Variants in BCAS3 observed in about 807,000 individuals in gnomAD.
BCAS3 encodes the protein BCAS4/BCAS3 fusion.
A neutral mutation model predicts 116.1 loss-of-function variants in BCAS3; 53 were observed. The observed-to-expected ratio is 0.46, with a 90% CI of 0.37 to 0.57. The LOEUF is 0.57. Ranked by LOEUF, BCAS3 falls within the 20% of genes least tolerant of loss-of-function variation. The pLI is 0.00. For synonymous variants in BCAS3, 391 were observed against 408.2 expected, an observed-to-expected ratio of 0.96 and a Z score of 0.51; for missense variants, 917 against 1,165.4, an observed-to-expected ratio of 0.79 and a Z score of 3.10.
rs1326914241 is a variant in BCAS3, at chr17:61,186,596, TA to T, written c.2425+102035del. On this transcript the variant is annotated intron_variant, in intron 22 of 23. Transcript: ENST00000407086. This position sits in a 1 kb window ranked among gnomAD's most constrained non-coding sequence, Gnocchi z 4.9. ...TTGAATTTTTGTCTTCATATTATTT[TA>T]AATTTTCAATCGGTTCAAAATTCAA... 1.3e-5 allele frequency among the ~76,000 whole-genome samples: 2 copies of T among 152,254 alleles called. No individual in the cohort carries two copies. Among genetic ancestry groups the T allele is most frequent in the Admixed American group, 1.3e-4 (2 of 15,280 alleles).
In BCAS3 at chr17:61,332,149, C is replaced by T. The variant is rs553705156; in HGVS notation, c.2426-36178C>T. On this transcript the variant is annotated intron_variant, in intron 22 of 23. Transcript: ENST00000407086. The surrounding 1 kb of genome is among the most constrained non-coding windows in gnomAD (Gnocchi z 5.4). Reference sequence around the variant, plus strand: ...CCGGGCTCTGGAGCTGGGCCACGGGCTCCTCTCTCTGGAAAGGCTCTGCAG... The same window carrying T: ...CCGGGCTCTGGAGCTGGGCCACGGGTTCCTCTCTCTGGAAAGGCTCTGCAG... Among the ~76,000 whole-genome samples the T allele has an allele frequency of 6.6e-6, 1 of 152,314 alleles. No individual in the cohort carries two copies. Among genetic ancestry groups the T allele is most frequent in the African/African-American group, 2.4e-5 (1 of 41,570 alleles).
rs532587874 is a variant in BCAS3, at chr17:61,347,289, C to T, written c.2426-21038C>T. On this transcript the variant is annotated intron_variant, in intron 22 of 23. Transcript: ENST00000407086. The surrounding 1 kb of genome is among the most constrained non-coding windows in gnomAD (Gnocchi z 4.3). ...TAGAGACGGGGTTACACCGTGTTGGCCAGGCTGGTCTCGATATGCTGACCT... is the reference window on the plus strand; with the variant it reads ...TAGAGACGGGGTTACACCGTGTTGGTCAGGCTGGTCTCGATATGCTGACCT... Among the ~76,000 whole-genome samples, 10 of 152,260 alleles carry T rather than the reference C, an allele frequency of 6.6e-5. No homozygotes were observed. Among genetic ancestry groups the T allele is most frequent in the Admixed American group, 6.5e-4 (10 of 15,286 alleles).
At chr17:61,184,578 C>T (rs2079659663) in intron 22 of BCAS3, among the ~76,000 whole-genome samples, 1 of 152,008 alleles carries the variant, frequency 6.6e-6, no homozygotes. Flanking sequence ...TATACACTTG[C>T]CATCTAATCT....
At chr17:61,236,285 G>A (rs2083051946) in intron 22 of BCAS3, among the ~76,000 whole-genome samples, 1 of 152,118 alleles carries the variant, frequency 6.6e-6, no homozygotes, top group South Asian at 2.1e-4. Context: ...TAGATCTTAT[G>A]TTGGAGATAA....
At chr17:60,703,201 G>A (rs1021986193) in intron 4 of BCAS3, among the ~76,000 whole-genome samples, 29 of 151,950 alleles carry the variant, frequency 1.9e-4, no homozygotes, top group African/African-American at 6.8e-4. Flanking sequence ...TTTGAACCCG[G>A]GAGGTGGAGG....
At chr17:61,216,515 T>A (rs543602739) in intron 22 of BCAS3, among the ~76,000 whole-genome samples, 1 of 77,992 alleles carries the variant, frequency 1.3e-5, no homozygotes, top group African/African-American at 4.9e-5. Context: ...AATAAGTATG[T>A]GTTTATTTTA....
chr17:61,383,669 G>A (rs1401969548), intron 23 of BCAS3: 2 of 152,244 alleles, frequency 1.3e-5, no homozygotes, highest in East Asian at 1.9e-4. Context: ...AGAATAGGAC[G>A]GACCAGTGGC....
At chr17:61,103,473 C>T (rs1478982432) in intron 22 of BCAS3, among the ~76,000 whole-genome samples, 2 of 152,158 alleles carry the variant, frequency 1.3e-5, no homozygotes, top group Non-Finnish European at 2.9e-5. Context: ...AATTAACTCC[C>T]TAAGTCTCCT....
Position 61,272,636 on chromosome 17 carries a change from CAAAAAAAAAAAAAAA to C in BCAS3, c.2426-95674_2426-95660del, listed in dbSNP as rs373837874. 8.0e-4 allele frequency among the ~76,000 whole-genome samples: 38 copies of C among 47,390 alleles called. 1 individual carries two copies. Among genetic ancestry groups the C allele is most frequent in the Admixed American group, 2.1e-3 (5 of 2,330 alleles). The allele number at this position is 47,390 out of a possible 152,430, so 31.1% of individuals were successfully genotyped here. ...CTGGTGACAGAGTGAAACCCTGTCT[CAAAAAAAAAAAAAAA>C]AAAAAAAAAAAAAAAAGCAATTTTG... is the stretch of plus-strand genomic sequence containing the variant. On this transcript the variant is annotated intron_variant, in intron 22 of 23. Coordinates refer to ENST00000407086, the MANE Select transcript of BCAS3 (RefSeq NM_017679.5).
intron 6 of BCAS3, among the ~76,000 whole-genome samples, chr17:60,790,309 A>G (rs1180930544): frequency 6.6e-6 from 1 of 152,180 alleles, no homozygotes; most frequent in Non-Finnish European, 1.5e-5. Context: ...TTGATGTTTC[A>G]TTGATCAAAA....
intron 22 of BCAS3, among the ~76,000 whole-genome samples, chr17:61,266,637 C>T (rs1301041029): frequency 1.3e-5 from 2 of 152,170 alleles, no homozygotes; most frequent in Admixed American, 1.3e-4. Context: ...CATGTAGGTA[C>T]TGTTTTCCAA....
Position 61,136,502 on chromosome 17 carries a change from G to A in BCAS3, c.2425+51938G>A, listed in dbSNP as rs960586347. Among the ~76,000 whole-genome samples the A allele has an allele frequency of 2.0e-5, 3 of 152,134 alleles. No homozygotes were observed. The highest frequency in any genetic ancestry group is 2.9e-5 in the Non-Finnish European group (2 of 68,018). ...GCCTCTACCCGTTAGATAGCAGCAC[G>A]CCCCCTTCCCTCAGATGCCTCCAAA... On this transcript the variant is annotated intron_variant, in intron 22 of 23. Transcript: ENST00000407086. The surrounding 1 kb of genome is among the most constrained non-coding windows in gnomAD (Gnocchi z 4.4).
At chr17:60,770,910 C>T (rs58765153) in intron 6 of BCAS3, among the ~76,000 whole-genome samples, 39,890 of 136,598 alleles carry the variant, frequency 0.29, 11,058 homozygotes, top group African/African-American at 0.73. Context: ...GGCAGTGGCA[C>T]GATCTTGGCT....
intron 6 of BCAS3, among the ~76,000 whole-genome samples, chr17:60,787,738 G>A (rs2046400501): frequency 1.3e-5 from 2 of 152,102 alleles, no homozygotes; most frequent in African/African-American, 4.8e-5. Context: ...GGACTATGCA[G>A]ATCACTAGGA....
In BCAS3 at chr17:61,322,781, T is replaced by TGAGAGAGAGAGAGAGAGAGAGAGA. The variant is rs1568849812; in HGVS notation, c.2426-45534_2426-45533insGAGAGAGAGAGAGAGAGAGAGAGA. Among the ~76,000 whole-genome samples the TGAGAGAGAGAGAGAGAGAGAGAGA allele has an allele frequency of 2.2e-4, 27 of 121,254 alleles. 1 individual carries two copies. Among genetic ancestry groups the TGAGAGAGAGAGAGAGAGAGAGAGA allele is most frequent in the African/African-American group, 8.7e-4 (25 of 28,770 alleles). 79.5% of individuals were successfully genotyped at this position (121,254 alleles called of 152,430 possible). A position where few individuals can be genotyped will look rare whatever the true frequency, so the allele number is the denominator to read the frequency against. ...GGTGTTGATATTTTTAAGCCTCTCT[T>TGAGAGAGAGAGAGAGAGAGAGAGA]GAGAGAGAGAGACAGAGAGAGAGAG... is the stretch of plus-strand genomic sequence containing the variant. On this transcript the variant is annotated intron_variant, in intron 22 of 23. Coordinates refer to ENST00000407086, the MANE Select transcript of BCAS3 (RefSeq NM_017679.5).
chr17:61,059,063 C>CTTTTTTTTTTTTTTTTTTTTTTTTTTTTT (rs869090870), intron 19 of BCAS3, among the ~76,000 whole-genome samples: 2 of 32,802 alleles, frequency 6.1e-5, no homozygotes, highest in Non-Finnish European at 1.3e-4. Context: ...TTCTCCCCAT[C>CTTTTTTTTTTTTTTTTTTTTTTTTTTTTT]TTTTTTTTTT....
chr17:60,826,180 A>G (rs1006121870), intron 7 of BCAS3, among the ~76,000 whole-genome samples: 9 of 151,438 alleles, frequency 5.9e-5, no homozygotes, highest in African/African-American at 1.5e-4. Context: ...TTGATTGATT[A>G]ATTAATTAAT....
intron 22 of BCAS3, among the ~76,000 whole-genome samples, chr17:61,345,145 ACT>A (rs2143279337): frequency 6.6e-6 from 1 of 151,632 alleles, no homozygotes; most frequent in Non-Finnish European, 1.5e-5. Flanking sequence ...AAAATCAAAA[ACT>A]CTCCAGAATG....
chr17:61,220,433 T>C lies in BCAS3; in HGVS notation c.2425+135869T>C, dbSNP rs911513247. On this transcript the variant is annotated intron_variant, in intron 22 of 23. Coordinates refer to ENST00000407086, the MANE Select transcript of BCAS3 (RefSeq NM_017679.5). This position sits in a 1 kb window ranked among gnomAD's most constrained non-coding sequence, Gnocchi z 4.5. ...CATTTTAGAGTTTACAGTTAATTAA[T>C]GCTACTTTGTCAACTTGGTTCCATT... 3.3e-5 allele frequency among the ~76,000 whole-genome samples: 5 copies of C among 152,272 alleles called. No homozygotes were observed. Among genetic ancestry groups the C allele is most frequent in the Non-Finnish European group, 7.3e-5 (5 of 68,048 alleles).
Sources: gnomAD v4.1 joint callset for allele counts (sites outside exome capture counted in the v4.1 genomes callset) on GRCh38, gnomAD v4.1.1 for gene constraint, Gnocchi (gnomAD v3.1) non-coding constraint, MANE v1.5 for transcripts, NCBI Gene and HGNC (gene_info 2026-07-23, HGNC 2026-07-21) for gene names.